Variants in DLGAP2 observed in about 807,000 individuals in gnomAD.
DLGAP2 encodes DLG associated protein 2.
In DLGAP2, 26 loss-of-function variants were observed where a neutral mutation model predicts 100.3. That is an observed-to-expected ratio of 0.26 (90% confidence interval 0.19 to 0.36). The LOEUF is 0.36. DLGAP2 is among the 10% of genes least tolerant of loss of function. The pLI, the probability that DLGAP2 is intolerant of heterozygous loss-of-function variation, is 1.00. For missense variants in DLGAP2, 1,858 were observed against 1,453.2 expected (o/e 1.28, Z -4.53); for synonymous variants, 886 against 630.1 (o/e 1.41, Z -6.08).
chr8:1,256,774 C>T (rs1001265962), intron 2 of DLGAP2, among the ~76,000 whole-genome samples: 37 of 152,290 alleles, frequency 2.4e-4, no homozygotes, highest in African/African-American at 8.7e-4. Context: ...GCCTGCGTTT[C>T]CAGGTCAACT....
At chr8:1,489,073 AC>A (rs1799302754) in intron 3 of DLGAP2, among the ~76,000 whole-genome samples, 1 of 152,190 alleles carries the variant, frequency 6.6e-6, no homozygotes, top group Admixed American at 6.5e-5. Flanking sequence ...GCAAGGTGTC[AC>A]CCTGTTCAGA....
chr8:1,189,572 C>T (rs1797589990), intron 2 of DLGAP2, among the ~76,000 whole-genome samples: 1 of 152,198 alleles, frequency 6.6e-6, no homozygotes, highest in Admixed American at 6.5e-5. Flanking sequence ...AGCTTAAACT[C>T]TACCTTTTAT....
chr8:1,091,918 C>T (rs1804196504), intron 2 of DLGAP2, among the ~76,000 whole-genome samples: 1 of 152,176 alleles, frequency 6.6e-6, no homozygotes, highest in Non-Finnish European at 1.5e-5. Context: ...ACATCCCAGG[C>T]TGGGGTGTAG....
intron 2 of DLGAP2, among the ~76,000 whole-genome samples, chr8:1,022,739 C>A (rs923757294): frequency 6.6e-6 from 1 of 151,482 alleles, no homozygotes; most frequent in African/African-American, 2.4e-5. Context: ...GGTAGATGCT[C>A]CAACCACAAT....
chr8:1,008,758 C>T (rs947151497), intron 2 of DLGAP2, among the ~76,000 whole-genome samples: 34 of 152,312 alleles, frequency 2.2e-4, no homozygotes, highest in African/African-American at 8.2e-4. Context: ...ACTGAGGGTC[C>T]GTCAGGGAGC....
chr8:1,228,306 G>T (rs1798464595), intron 2 of DLGAP2, among the ~76,000 whole-genome samples: 1 of 152,174 alleles, frequency 6.6e-6, no homozygotes, highest in Non-Finnish European at 1.5e-5. Context: ...GAAAGAGATT[G>T]AATTAATAAT....
chr8:1,343,974 G>C (rs748973726), intron 3 of DLGAP2, among the ~76,000 whole-genome samples: 1 of 152,220 alleles, frequency 6.6e-6, no homozygotes, highest in African/African-American at 2.4e-5. Flanking sequence ...GAAACATGGC[G>C]GACAGAGGAG....
intron 2 of DLGAP2, among the ~76,000 whole-genome samples, chr8:1,208,078 C>G (rs1798031817): frequency 1.3e-5 from 2 of 152,150 alleles, no homozygotes; most frequent in Non-Finnish European, 2.9e-5. Flanking sequence ...TAAGTCTCTT[C>G]TGTTTATCTT....
intron 2 of DLGAP2, among the ~76,000 whole-genome samples, chr8:1,195,239 A>C (rs935830): frequency 7.2e-5 from 11 of 152,220 alleles, no homozygotes; most frequent in African/African-American, 2.4e-4. Context: ...TGTCCAGGAC[A>C]GGCCTCCCAG....
chr8:837,298 C>T (rs565520767), intron 1 of DLGAP2, among the ~76,000 whole-genome samples: 8 of 152,198 alleles, frequency 5.3e-5, no homozygotes, highest in Non-Finnish European at 7.3e-5. Context: ...AAGAAGGGGC[C>T]GCACCTTGTG....
At chr8:1,469,349 C>T (rs73534688) in intron 3 of DLGAP2, among the ~76,000 whole-genome samples, 12 of 152,316 alleles carry the variant, frequency 7.9e-5, no homozygotes, top group South Asian at 4.1e-4. Context: ...GAGAGCGAAG[C>T]GGGCTTTATT....
intron 2 of DLGAP2, among the ~76,000 whole-genome samples, chr8:1,179,269 G>C (rs544307995): frequency 3.7e-4 from 56 of 151,046 alleles, no homozygotes; most frequent in African/African-American, 1.3e-3. Context: ...GATGCAGAGT[G>C]GGGGTGGGTG....
intron 2 of DLGAP2, among the ~76,000 whole-genome samples, chr8:1,023,873 G>A (rs1801700999): frequency 6.6e-6 from 1 of 150,650 alleles, no homozygotes; most frequent in African/African-American, 2.4e-5. Context: ...GTGTGTGTGT[G>A]TGTGTGTGTG....
intron 3 of DLGAP2, among the ~76,000 whole-genome samples, chr8:1,476,437 G>T (rs568274358): frequency 6.6e-6 from 1 of 152,140 alleles, no homozygotes; most frequent in Admixed American, 6.5e-5. Context: ...GGCGTCACCT[G>T]TTCCTTCCTG....
intron 4 of DLGAP2, among the ~76,000 whole-genome samples, chr8:1,517,227 C>T (rs117117913): frequency 0.051 from 7,712 of 152,232 alleles, 269 homozygotes; most frequent in Non-Finnish European, 0.082. Context: ...TGAGTTCTGG[C>T]AGCTGTGGGG....
intron 2 of DLGAP2, among the ~76,000 whole-genome samples, chr8:1,023,119 G>A (rs12675071): frequency 0.049 from 7,426 of 152,272 alleles, 415 homozygotes; most frequent in Admixed American, 0.13. Context: ...AGGCATTGGC[G>A]TGATGCCGAT....
intron 2 of DLGAP2, among the ~76,000 whole-genome samples, chr8:944,877 C>T (rs933942925): frequency 1.3e-5 from 2 of 152,066 alleles, no homozygotes; most frequent in African/African-American, 2.4e-5. Flanking sequence ...GCAGGTGATC[C>T]AGTCAGTGGC....
At chr8:1,139,425 T>C (rs1796482450) in intron 2 of DLGAP2, among the ~76,000 whole-genome samples, 1 of 152,210 alleles carries the variant, frequency 6.6e-6, no homozygotes, top group South Asian at 2.1e-4. Context: ...GTGGAATCTA[T>C]GGATGATGGT....
In DLGAP2 at chr8:899,235, C is replaced by T. The variant is rs556920306; in HGVS notation, c.19-8677C>T. On this transcript the variant is annotated intron_variant, in intron 1 of 14. Coordinates refer to ENST00000637795, the MANE Select transcript of DLGAP2 (RefSeq NM_001346810.2). ...ACTCCTTCAGTCCTCAGCTGCCCTACGAGCTGTGGTTTTGCCTGAACACGG... is the reference window on the plus strand; with the variant it reads ...ACTCCTTCAGTCCTCAGCTGCCCTATGAGCTGTGGTTTTGCCTGAACACGG... Among the ~76,000 whole-genome samples the T allele has an allele frequency of 4.6e-5, 7 of 152,336 alleles. No individual in the cohort carries two copies. In the South Asian group the frequency reaches 1.0e-3, roughly 23 times the overall value.
Sources: allele counts gnomAD v4.1 joint callset (sites outside exome capture counted in the v4.1 genomes callset), GRCh38; gene constraint gnomAD v4.1.1; transcripts MANE v1.5; gene names NCBI Gene and HGNC (gene_info 2026-07-23, HGNC 2026-07-21).